The following HES5 variants were observed in gnomAD, a reference collection of about 807,000 sequenced individuals.
HES5 encodes transcription factor HES-5.
A neutral mutation model predicts 9.6 loss-of-function variants in HES5; 12 were observed. That is an observed-to-expected ratio of 1.25 (90% confidence interval 0.80 to 2.03). The LOEUF is 2.03. HES5 is among the 30% of genes most tolerant of loss of function. HES5 has a pLI of 0.00. For missense variants in HES5, 255 were observed against 218.6 expected, an observed-to-expected ratio of 1.17 and a Z score of -1.05; for synonymous variants, 131 against 102.4, an observed-to-expected ratio of 1.28 and a Z score of -1.69.
Position 2,529,764 on chromosome 1 carries a change from G to A in HES5, c.221-15C>T, listed in dbSNP as rs1643981086. On this transcript the variant is annotated splice_polypyrimidine_tract_variant and intron_variant, in intron 2 of 2. Coordinates refer to ENST00000378453, the MANE Select transcript of HES5 (RefSeq NM_001010926.4). This position sits in a 1 kb window ranked among gnomAD's most constrained non-coding sequence, Gnocchi z 4.5. ...GGCGACGAAGGCTGCGGGGAGACGC[G>A]GCGGCGGTGAGCGGGCGGCGGGGCG... 3.2e-6 allele frequency: 4 copies of A among 1,244,354 alleles called. No homozygotes were observed. Among genetic ancestry groups the A allele is most frequent in the Middle Eastern group, 2.6e-4 (1 of 3,844 alleles). 77.1% of individuals were successfully genotyped at this position (1,244,354 alleles called of 1,614,324 possible). A position where few individuals can be genotyped will look rare whatever the true frequency, so the allele number is the denominator to read the frequency against.
At position 2,530,172 on chromosome 1, in the gene HES5, G is replaced by A. The variant is rs1294999216; in HGVS notation, c.-8C>T. ...CACAGTGCTGGGGGCCATGCCTGGC[G>A]CGGAACAGGCGACGAGGCGACGCGG... On this transcript the variant is annotated 5_prime_UTR_variant, in exon 1 of 3. Transcript: ENST00000378453. 1.3e-6 allele frequency: 2 copies of A among 1,495,004 alleles called. No individual in the cohort carries two copies. Among genetic ancestry groups the A allele is most frequent in the East Asian group, 2.8e-5 (1 of 35,232 alleles). 92.6% of individuals were successfully genotyped at this position (1,495,004 alleles called of 1,614,324 possible). A position where few individuals can be genotyped will look rare whatever the true frequency, so the allele number is the denominator to read the frequency against.
At position 2,529,323 on chromosome 1, in the gene HES5, G is replaced by C. The variant is rs528664060; in HGVS notation, c.*146C>G. ...CATTCTCTGAGAATGGGGCTCCTGCGGGCCGGCCAGCTTGGGGCCAGAGCC... is the reference window on the plus strand; with the variant it reads ...CATTCTCTGAGAATGGGGCTCCTGCCGGCCGGCCAGCTTGGGGCCAGAGCC... On this transcript the variant is annotated 3_prime_UTR_variant, in exon 3 of 3. Coordinates refer to ENST00000378453, the MANE Select transcript of HES5 (RefSeq NM_001010926.4). This position sits in a 1 kb window ranked among gnomAD's most constrained non-coding sequence, Gnocchi z 4.5. 1.3e-6 allele frequency: 1 copy of C among 781,430 alleles called. No homozygotes were observed. Among genetic ancestry groups the C allele is most frequent in the African/African-American group, 1.9e-5 (1 of 53,160 alleles). The allele number at this position is 781,430 out of a possible 1,614,324, so 48.4% of individuals were successfully genotyped here. A position where few individuals can be genotyped will look rare whatever the true frequency, so the allele number is the denominator to read the frequency against.
chr1:2,528,813 G>A lies in HES5; in HGVS notation c.*656C>T, dbSNP rs899026813. 1.3e-5 allele frequency: 2 copies of A among 152,464 alleles called. No individual in the cohort carries two copies. The highest frequency in any genetic ancestry group is 1.3e-4 in the Admixed American group (2 of 15,280). The allele number at this position is 152,464 out of a possible 1,614,324, so 9.4% of individuals were successfully genotyped here. A position where few individuals can be genotyped will look rare whatever the true frequency, so the allele number is the denominator to read the frequency against. ...AGTCCCGTGGCTTCCACGTGACTGA[G>A]AGTTCAATTTCTGAGTACAAAGTCG... On this transcript the variant is annotated 3_prime_UTR_variant, in exon 3 of 3. Coordinates refer to ENST00000378453, the MANE Select transcript of HES5 (RefSeq NM_001010926.4).
At position 2,529,255 on chromosome 1, in the gene HES5, G is replaced by A. The variant is rs749834348; in HGVS notation, c.*214C>T. ...CCATGGGGTCAGACACTTGGCAGAA[G>A]ATGGGCCCTGATTGTCCTAAAACGG... On this transcript the variant is annotated 3_prime_UTR_variant, in exon 3 of 3. Coordinates refer to ENST00000378453, the MANE Select transcript of HES5 (RefSeq NM_001010926.4). This position sits in a 1 kb window ranked among gnomAD's most constrained non-coding sequence, Gnocchi z 4.5. The A allele has an allele frequency of 8.1e-6, 2 of 246,612 alleles. No individual in the cohort carries two copies. The highest frequency in any genetic ancestry group is 1.3e-5 in the Non-Finnish European group (2 of 151,940). 15.3% of individuals were successfully genotyped at this position (246,612 alleles called of 1,614,324 possible). A position where few individuals can be genotyped will look rare whatever the true frequency, so the allele number is the denominator to read the frequency against.
At position 2,530,112 on chromosome 1, in the gene HES5, C is replaced by G; in HGVS notation, c.53G>C (p.Arg18Pro). ...GCGCCGGGCGAGTCTGGTACTTACT[C>G]GGTTTTTCTCTTTGGGGCTGAGCAG... The part of the protein sequence containing the change: ...VELLSPKEKN[R>P]LRKPVVEKMR... Residue 18 changes from arginine (R) to proline (P), a missense_variant and splice_region_variant, in exon 1 of 3, where the codon CGA becomes CCA. Physicochemically the swap from Arg to Pro is moderately radical, Grantham distance 103. Transcript: ENST00000378453. The G allele has an allele frequency of 6.4e-7, 1 of 1,573,246 alleles. No individual in the cohort carries two copies. The highest frequency in any genetic ancestry group is 8.6e-7 in the Non-Finnish European group (1 of 1,160,024).
Position 2,530,262 on chromosome 1 carries a change from A to C in HES5, c.-98T>G. 3.6e-6 allele frequency: 4 copies of C among 1,100,520 alleles called. No homozygotes were observed. Among genetic ancestry groups the C allele is most frequent in the Non-Finnish European group, 4.6e-6 (4 of 865,972 alleles). The allele number at this position is 1,100,520 out of a possible 1,614,324, so 68.2% of individuals were successfully genotyped here. A position where few individuals can be genotyped will look rare whatever the true frequency, so the allele number is the denominator to read the frequency against. On this transcript the variant is annotated 5_prime_UTR_variant, in exon 1 of 3. Transcript: ENST00000378453. ...CCAAGCGCGTCCCGGGCTGGCGCGG[A>C]CACCGGCCCCGCGCGCCGACGCCCT...
chr1:2,529,742 G>T lies in HES5; in HGVS notation c.228C>A (p.Val76=), dbSNP rs1394983991. 2 of 1,244,444 alleles carry T rather than the reference G, an allele frequency of 1.6e-6. No homozygotes were observed. Among genetic ancestry groups the T allele is most frequent in the South Asian group, 3.2e-5 (1 of 31,568 alleles). 77.1% of individuals were successfully genotyped at this position (1,244,444 alleles called of 1,614,324 possible). Residue 76 remains valine (V), a synonymous_variant, in exon 3 of 3, where the codon GTC becomes GTA. Transcript: ENST00000378453. This position sits in a 1 kb window ranked among gnomAD's most constrained non-coding sequence, Gnocchi z 4.5. ...GCAGGCTCTTGGGGCCGGCGGCGGC[G>T]ACGAAGGCTGCGGGGAGACGCGGCG... The part of the protein sequence containing the change: ...VSYLKHSKAF[V]AAAGPKSLHQ...
In HES5 at chr1:2,529,374, C is replaced by T. The variant is rs960231982; in HGVS notation, c.*95G>A. On this transcript the variant is annotated 3_prime_UTR_variant, in exon 3 of 3. Coordinates refer to ENST00000378453, the MANE Select transcript of HES5 (RefSeq NM_001010926.4). The surrounding 1 kb of genome is among the most constrained non-coding windows in gnomAD (Gnocchi z 4.5). ...TTCCGGAGAAGGGCGCGTCCAAGCC[C>T]GGGGCGGACGACGGCGGGAAGGCGC... The T allele has an allele frequency of 7.1e-6, 7 of 991,098 alleles. No homozygotes were observed. Among genetic ancestry groups the T allele is most frequent in the Non-Finnish European group, 7.2e-6 (6 of 832,800 alleles). 61.4% of individuals were successfully genotyped at this position (991,098 alleles called of 1,614,324 possible). A position where few individuals can be genotyped will look rare whatever the true frequency, so the allele number is the denominator to read the frequency against.
At position 2,529,496 on chromosome 1, in the gene HES5, G is replaced by C; in HGVS notation, c.474C>G (p.Pro158=). Reference sequence around the variant, plus strand: ...ACCAGGGCCGCCAGAGGCCGCAGGCGGGCTGGTGCGCGGCGGCGGCGGCGG... The same window carrying C: ...ACCAGGGCCGCCAGAGGCCGCAGGCCGGCTGGTGCGCGGCGGCGGCGGCGG... ...ATAAAAAAHQ[P]ACGLWRPW Residue 158 remains proline (P), a synonymous_variant, in exon 3 of 3, where the codon CCC becomes CCG. Coordinates refer to ENST00000378453, the MANE Select transcript of HES5 (RefSeq NM_001010926.4). This position sits in a 1 kb window ranked among gnomAD's most constrained non-coding sequence, Gnocchi z 4.5. 1 of 1,059,512 alleles carries C rather than the reference G, an allele frequency of 9.4e-7. No homozygotes were observed. The highest frequency in any genetic ancestry group is 1.1e-6 in the Non-Finnish European group (1 of 878,796). 65.6% of individuals were successfully genotyped at this position (1,059,512 alleles called of 1,614,324 possible). A position where few individuals can be genotyped will look rare whatever the true frequency, so the allele number is the denominator to read the frequency against.
Position 2,530,216 on chromosome 1 carries a change from G to C in HES5, c.-52C>G. On this transcript the variant is annotated 5_prime_UTR_variant, in exon 1 of 3. Transcript: ENST00000378453. ...GACGCGGGGAGGCCGGGCGAGACGA[G>C]GCGAGCGGGCGCGGGCAAGGCCAAG... The C allele has an allele frequency of 7.1e-7, 1 of 1,413,856 alleles. No homozygotes were observed. Among genetic ancestry groups the C allele is most frequent in the Non-Finnish European group, 9.3e-7 (1 of 1,076,432 alleles). 87.6% of individuals were successfully genotyped at this position (1,413,856 alleles called of 1,614,324 possible). A position where few individuals can be genotyped will look rare whatever the true frequency, so the allele number is the denominator to read the frequency against.
Position 2,529,877 on chromosome 1 carries a change from C to G in HES5, c.189G>C (p.Glu63Asp). 1 of 1,600,852 alleles carries G rather than the reference C, an allele frequency of 6.2e-7. No individual in the cohort carries two copies. The highest frequency in any genetic ancestry group is 8.5e-7 in the Non-Finnish European group (1 of 1,174,026). Residue 63 changes from glutamate to aspartate, a missense_variant, in exon 2 of 3, where the codon GAG becomes GAC. Coordinates refer to ENST00000378453, the MANE Select transcript of HES5 (RefSeq NM_001010926.4). This position sits in a 1 kb window ranked among gnomAD's most constrained non-coding sequence, Gnocchi z 4.5. The part of the protein sequence containing the change: ...NSKLEKADIL[E>D]MAVSYLKHSK... ...TGTGCTTCAGGTAGCTGACAGCCAT[C>G]TCCAGGATGTCGGCCTTCTCCAGCT...
At position 2,529,638 on chromosome 1, in the gene HES5, G is replaced by T. The variant is rs1413930504; in HGVS notation, c.332C>A (p.Thr111Lys). 4 of 1,310,638 alleles carry T rather than the reference G, an allele frequency of 3.1e-6. No homozygotes were observed. The African/African-American group carries it at 6.2e-5, about 20-fold the overall frequency. 81.2% of individuals were successfully genotyped at this position (1,310,638 alleles called of 1,614,324 possible). A position where few individuals can be genotyped will look rare whatever the true frequency, so the allele number is the denominator to read the frequency against. Reference sequence around the variant, plus strand: ...GAAGTGGTACAGCAGCTTCATCTGCGTGTCGCTGGCGGCGTGGAGCGTCAG... The same window carrying T: ...GAAGTGGTACAGCAGCTTCATCTGCTTGTCGCTGGCGGCGTGGAGCGTCAG... ...QFLTLHAASD[T>K]QMKLLYHFQR... The change falls in exon 3 of 3, where the codon ACG (threonine) becomes AAG (lysine). Residue 111 changes from threonine (T) to lysine (K), a missense_variant. By Grantham distance (78) the Thr-to-Lys change is moderately conservative (BLOSUM62 -1). Coordinates refer to ENST00000378453, the MANE Select transcript of HES5 (RefSeq NM_001010926.4). This position sits in a 1 kb window ranked among gnomAD's most constrained non-coding sequence, Gnocchi z 4.5.
In HES5 at chr1:2,529,365, G is replaced by C; in HGVS notation, c.*104C>G. 1.0e-6 allele frequency: 1 copy of C among 977,650 alleles called. No individual in the cohort carries two copies. Among genetic ancestry groups the C allele is most frequent in the Non-Finnish European group, 1.2e-6 (1 of 821,824 alleles). 60.6% of individuals were successfully genotyped at this position (977,650 alleles called of 1,614,324 possible). ...GCCAGAGCCTTCCGGAGAAGGGCGC[G>C]TCCAAGCCCGGGGCGGACGACGGCG... On this transcript the variant is annotated 3_prime_UTR_variant, in exon 3 of 3. Coordinates refer to ENST00000378453, the MANE Select transcript of HES5 (RefSeq NM_001010926.4). The surrounding 1 kb of genome is among the most constrained non-coding windows in gnomAD (Gnocchi z 4.5).
At position 2,529,682 on chromosome 1, in the gene HES5, C is replaced by A; in HGVS notation, c.288G>T (p.Leu96=). Reference sequence around the variant, plus strand: ...GCGTCAGGAACTGCACGGCCTCCTGCAGGCACCACGAGTAGCCTTCGCTGT... The same window carrying A: ...GCGTCAGGAACTGCACGGCCTCCTGAAGGCACCACGAGTAGCCTTCGCTGT... ...QDYSEGYSWC[L]QEAVQFLTLH... is the part of the protein sequence containing the mutation. Residue 96 remains leucine, a synonymous_variant, in exon 3 of 3, where the codon CTG becomes CTT. Transcript: ENST00000378453. The surrounding 1 kb of genome is among the most constrained non-coding windows in gnomAD (Gnocchi z 4.5). 7.6e-7 allele frequency: 1 copy of A among 1,319,782 alleles called. No individual in the cohort carries two copies. The highest frequency in any genetic ancestry group is 3.4e-5 in the East Asian group (1 of 29,010). 81.8% of individuals were successfully genotyped at this position (1,319,782 alleles called of 1,614,324 possible).
At chr1:2,530,046 C>A (rs773542590) in intron 1 of HES5, 35 bp from the exon 2 acceptor site, 2 of 1,601,864 alleles carry the variant, frequency 1.2e-6, no homozygotes, top group Non-Finnish European at 1.7e-6. Context: ...TGGCCCGGCA[C>A]GGCGCAGGGA....
At position 2,529,503 on chromosome 1, in the gene HES5, T is replaced by G; in HGVS notation, c.467A>C (p.His156Pro). ...CCGCCAGAGGCCGCAGGCGGGCTGG[T>G]GCGCGGCGGCGGCGGCGGCGGTGGC... ...AKATAAAAAA[H>P]QPACGLWRPW is the part of the protein sequence containing the mutation. Residue 156 changes from histidine (H) to proline (P), a missense_variant, in exon 3 of 3, where the codon CAC (histidine) becomes CCC (proline). His to Pro is a moderately conservative substitution (Grantham distance 77). Transcript: ENST00000378453. The surrounding 1 kb of genome is among the most constrained non-coding windows in gnomAD (Gnocchi z 4.5). 9.5e-7 allele frequency: 1 copy of G among 1,057,370 alleles called. No homozygotes were observed. Among genetic ancestry groups the G allele is most frequent in the Non-Finnish European group, 1.1e-6 (1 of 877,424 alleles). 65.5% of individuals were successfully genotyped at this position (1,057,370 alleles called of 1,614,324 possible).
rs778489792 is a variant in HES5 at position 2,529,928 on chromosome 1, C to T, written c.138G>A (p.Glu46=). ...IEQLKLLLEQ[E]FARHQPNSKL... is the part of the protein sequence containing the mutation. The stretch of plus-strand genomic sequence containing the variant: ...TGGAGTTGGGCTGGTGCCGCGCGAA[C>T]TCCTGCTCCAGCAGCAGCTTCAGCT... Residue 46 remains glutamate, a synonymous_variant, in exon 2 of 3, where the codon GAG becomes GAA. Transcript: ENST00000378453. This position sits in a 1 kb window ranked among gnomAD's most constrained non-coding sequence, Gnocchi z 4.5. The T allele has an allele frequency of 3.1e-6, 5 of 1,607,956 alleles. No individual in the cohort carries two copies. The highest frequency in any genetic ancestry group is 4.2e-6 in the Non-Finnish European group (5 of 1,177,730).
Position 2,529,733 on chromosome 1 carries a change from G to A in HES5, c.237C>T (p.Ala79=). The A allele has an allele frequency of 8.0e-7, 1 of 1,246,778 alleles. No individual in the cohort carries two copies. 77.2% of individuals were successfully genotyped at this position (1,246,778 alleles called of 1,614,324 possible). ...LKHSKAFVAA[A]GPKSLHQDYS... ...AGTCCTGGTGCAGGCTCTTGGGGCC[G>A]GCGGCGGCGACGAAGGCTGCGGGGA... Residue 79 remains alanine, a synonymous_variant, in exon 3 of 3, where the codon GCC becomes GCT. Transcript: ENST00000378453. This position sits in a 1 kb window ranked among gnomAD's most constrained non-coding sequence, Gnocchi z 4.5.
Position 2,529,970 on chromosome 1 carries a change from G to GATGC in HES5, c.92_95dup (p.Ile32MetfsTer159). The GATGC allele has an allele frequency of 6.2e-7, 1 of 1,609,270 alleles. No individual in the cohort carries two copies. Among genetic ancestry groups the GATGC allele is most frequent in the Non-Finnish European group, 8.5e-7 (1 of 1,177,852 alleles). ...GCTTCAGCTGCTCGATGCTGCTGTT[G>GATGC]ATGCGGTCGCGGCGCATCTTCTCCA... On this transcript the variant is annotated frameshift_variant, in exon 2 of 3. Coordinates refer to ENST00000378453, the MANE Select transcript of HES5 (RefSeq NM_001010926.4). LOFTEE classifies it high-confidence loss of function. The surrounding 1 kb of genome is among the most constrained non-coding windows in gnomAD (Gnocchi z 4.5).
Sources: allele counts gnomAD v4.1 joint callset, GRCh38; gene constraint gnomAD v4.1.1; non-coding constraint Gnocchi (gnomAD v3.1); transcripts MANE v1.5; gene names NCBI Gene and HGNC (gene_info 2026-07-23, HGNC 2026-07-21).